VPS45: variants seen among roughly 807,000 people sequenced by gnomAD.
VPS45 encodes vacuolar protein sorting-associated protein 45.
Under a neutral mutation model 75.9 loss-of-function variants are expected in VPS45, and 35 were observed. That is an observed-to-expected ratio of 0.46 (90% CI 0.35 to 0.61). The LOEUF (loss-of-function observed/expected upper bound fraction) is 0.61, where lower values mean the gene tolerates loss of function less well. Among genes scored for constraint, VPS45 ranks in the 20% least tolerant of loss-of-function variants. The pLI is 0.00. For synonymous variants in VPS45, 220 were observed against 238.2 expected, an observed-to-expected ratio of 0.92 and a Z score of 0.70; for missense variants, 559 against 685.9, an observed-to-expected ratio of 0.81 and a Z score of 2.07.
intron 14 of VPS45, among the ~76,000 whole-genome samples, chr1:150,124,335 T>C (rs1316360267): frequency 3.9e-5 from 6 of 152,040 alleles, no homozygotes; most frequent in Non-Finnish European, 5.9e-5. Context: ...GGCGTGCACA[T>C]GTAGTCCCAG....
chr1:150,127,921 G>A (rs587727979), intron 14 of VPS45, among the ~76,000 whole-genome samples: 1 of 152,182 alleles, frequency 6.6e-6, no homozygotes, highest in East Asian at 1.9e-4. Context: ...ACAGAACTGA[G>A]GGATCATTTA....
At chr1:150,081,704 C>T (rs1655722693) in intron 8 of VPS45, among the ~76,000 whole-genome samples, 180 bp from the exon 9 acceptor site, 2 of 152,142 alleles carry the variant, frequency 1.3e-5, no homozygotes, top group South Asian at 4.1e-4. Context: ...CCTCCAGTAG[C>T]TGTTTGTGAG....
In VPS45 at chr1:150,081,469, A is replaced by G. The variant is rs782102026; in HGVS notation, c.815A>G (p.Tyr272Cys). ...VVLSAENDEF[Y>C]ANNMYLNFAE... is the part of the protein sequence containing the mutation. ...CTATCTGCTGAAAATGATGAATTCTATGCTAATGTAGGTGGTTTAAATTTT... is the reference window on the plus strand; with the variant it reads ...CTATCTGCTGAAAATGATGAATTCTGTGCTAATGTAGGTGGTTTAAATTTT... The change falls in exon 8 of 15, where the codon TAT becomes TGT. Residue 272 changes from tyrosine to cysteine, a missense_variant. Coordinates refer to ENST00000644510, the MANE Select transcript of VPS45 (RefSeq NM_007259.5). 6.3e-7 allele frequency: 1 copy of G among 1,599,272 alleles called. No individual in the cohort carries two copies. The highest frequency in any genetic ancestry group is 1.8e-5 in the Admixed American group (1 of 54,708).
intron 10 of VPS45, among the ~76,000 whole-genome samples, chr1:150,088,981 T>G (rs1656175327): frequency 6.6e-6 from 1 of 152,230 alleles, no homozygotes; most frequent in Admixed American, 6.5e-5. Context: ...TTAAGGAATC[T>G]TCATACTATT....
chr1:150,117,214 A>C (rs1260363044), intron 14 of VPS45, among the ~76,000 whole-genome samples: 3 of 150,512 alleles, frequency 2.0e-5, no homozygotes, highest in Non-Finnish European at 3.0e-5. Flanking sequence ...AAATAATAAA[A>C]TAATAATAAT....
At chr1:150,136,984 C>T (rs782302548) in intron 14 of VPS45, among the ~76,000 whole-genome samples, 1 of 152,108 alleles carries the variant, frequency 6.6e-6, no homozygotes, top group Non-Finnish European at 1.5e-5. Flanking sequence ...CTGCAGCCTC[C>T]ACCTCCCAGG....
At chr1:150,114,991 A>G (rs1657853241) in intron 14 of VPS45, among the ~76,000 whole-genome samples, 1 of 151,876 alleles carries the variant, frequency 6.6e-6, no homozygotes, top group Admixed American at 6.6e-5. Context: ...AGCCAAGTTT[A>G]GAATTTCAGG....
At chr1:150,126,665 T>TA (rs1202869499) in intron 14 of VPS45, among the ~76,000 whole-genome samples, 3 of 151,908 alleles carry the variant, frequency 2.0e-5, no homozygotes, top group Non-Finnish European at 2.9e-5. Context: ...TATAGCTCAA[T>TA]AAAAAAAATT....
At chr1:150,127,928 T>C (rs1658600576) in intron 14 of VPS45, among the ~76,000 whole-genome samples, 2 of 152,220 alleles carry the variant, frequency 1.3e-5, no homozygotes, top group South Asian at 4.1e-4. Context: ...TGAGGGATCA[T>C]TTACTTTTAT....
intron 10 of VPS45, among the ~76,000 whole-genome samples, chr1:150,090,955 G>A (rs782089347): frequency 2.0e-5 from 3 of 152,124 alleles, no homozygotes; most frequent in African/African-American, 4.8e-5. Context: ...ACACACTTCT[G>A]TAGGATTATC....
At chr1:150,136,930 A>T (rs587613355) in intron 14 of VPS45, among the ~76,000 whole-genome samples, 1 of 152,196 alleles carries the variant, frequency 6.6e-6, no homozygotes, top group South Asian at 2.1e-4. Flanking sequence ...ACAGGGTCTC[A>T]CCCTATCACC....
intron 14 of VPS45, among the ~76,000 whole-genome samples, chr1:150,127,426 A>G (rs1265937180): frequency 1.3e-5 from 2 of 151,372 alleles, no homozygotes; most frequent in Non-Finnish European, 2.9e-5. Flanking sequence ...CAGTCCTACC[A>G]CTTCAGCCTC....
At chr1:150,084,251 T>G (rs1469468777) in intron 10 of VPS45, among the ~76,000 whole-genome samples, 1 of 152,206 alleles carries the variant, frequency 6.6e-6, no homozygotes, top group Non-Finnish European at 1.5e-5. Context: ...TAAGAATTTA[T>G]ACCTGCTGAG....
chr1:150,131,415 G>A (rs1287154530), intron 14 of VPS45, among the ~76,000 whole-genome samples: 2 of 152,102 alleles, frequency 1.3e-5, no homozygotes, highest in East Asian at 1.9e-4. Flanking sequence ...GGCTGAGGCA[G>A]GAGAATCATC....
chr1:150,076,321 A>G lies in VPS45; in HGVS notation c.369+9A>G, dbSNP rs368993144. 1.3e-6 allele frequency: 2 copies of G among 1,598,934 alleles called. No individual in the cohort carries two copies. The highest frequency in any genetic ancestry group is 8.5e-7 in the Non-Finnish European group (1 of 1,171,026). ...TTGTGGCTGAGGTTCAGGTAAACAT[A>G]TTGGTCCTGTAACACATCTCGTATG... On this transcript the variant is annotated intron_variant, in intron 4 of 14. Coordinates refer to ENST00000644510, the MANE Select transcript of VPS45 (RefSeq NM_007259.5).
intron 14 of VPS45, among the ~76,000 whole-genome samples, chr1:150,127,217 A>G (rs954594073): frequency 6.6e-6 from 1 of 152,150 alleles, no homozygotes; most frequent in African/African-American, 2.4e-5. Flanking sequence ...AATTAATTTT[A>G]CCTGTTTCAT....
rs1656346466 is a variant in VPS45, at chr1:150,091,973, G to A, written c.1141G>A (p.Glu381Lys). The A allele has an allele frequency of 6.2e-7, 1 of 1,613,916 alleles. No individual in the cohort carries two copies. The highest frequency in any genetic ancestry group is 1.3e-5 in the African/African-American group (1 of 74,896). ...GCTTCTGCAGAACCCCAAAGTGACA[G>A]AGTTTGATGCTGCCCGCCTGGTGAT... Reference protein sequence around the residue: ...KRLLQNPKVTEFDAARLVMLY... With the variant: ...KRLLQNPKVTKFDAARLVMLY... Residue 381 changes from glutamate (E) to lysine (K), a missense_variant, in exon 11 of 15, where the codon GAG becomes AAG. By Grantham distance (56) the Glu-to-Lys change is moderately conservative. Coordinates refer to ENST00000644510, the MANE Select transcript of VPS45 (RefSeq NM_007259.5).
At chr1:150,067,459 C>T (rs1553796091), upstream of VPS45, 3 of 198,206 alleles carry the variant, frequency 1.5e-5, no homozygotes, top group Admixed American at 1.2e-4. Context: ...AGCCACACTC[C>T]GTCGTTCCTG....
At position 150,076,965 on chromosome 1, in the gene VPS45, A is replaced by G. The variant is rs782339252; in HGVS notation, c.419A>G (p.Asn140Ser). The G allele has an allele frequency of 8.1e-6, 13 of 1,613,966 alleles. No homozygotes were observed. Among genetic ancestry groups the G allele is most frequent in the Middle Eastern group, 1.6e-4 (1 of 6,082 alleles). ...IAVNPHLFSLNILGCCQGRNW... is the reference protein window; with the variant it reads ...IAVNPHLFSLSILGCCQGRNW... ...GTGAACCCACATTTGTTTTCCCTCAATATTTTGGGTTGCTGCCAGGTATGG... is the reference window on the plus strand; with the variant it reads ...GTGAACCCACATTTGTTTTCCCTCAGTATTTTGGGTTGCTGCCAGGTATGG... The change falls in exon 5 of 15, where the codon AAT becomes AGT. Residue 140 changes from asparagine (N) to serine (S), a missense_variant. Physicochemically the swap from Asn to Ser is conservative, Grantham distance 46. Transcript: ENST00000644510.
Sources: gnomAD v4.1 joint callset for allele counts (sites outside exome capture counted in the v4.1 genomes callset) on GRCh38, gnomAD v4.1.1 for gene constraint, MANE v1.5 for transcripts, NCBI Gene and HGNC (gene_info 2026-07-23, HGNC 2026-07-21) for gene names.